The following THOC1 variants were observed in gnomAD, a reference collection of about 807,000 sequenced individuals.
THOC1 encodes the protein THO complex subunit 1.
In THOC1, 29 loss-of-function variants were observed where a neutral mutation model predicts 97.3. The ratio of observed to expected loss-of-function variants is 0.30; its 90% confidence interval spans 0.22 to 0.41. The LOEUF (loss-of-function observed/expected upper bound fraction) is 0.41, where lower values mean the gene tolerates loss of function less well. Ranked by LOEUF, THOC1 falls within the 10% of genes least tolerant of loss-of-function variation. THOC1 has a pLI of 1.00. For synonymous variants in THOC1, 255 were observed against 257.0 expected (o/e 0.99, Z 0.07); for missense variants, 529 against 761.9 (o/e 0.69, Z 3.60).
intron 11 of THOC1, among the ~76,000 whole-genome samples, chr18:238,066 T>C (rs1212083538): frequency 6.6e-6 from 1 of 152,122 alleles, no homozygotes; most frequent in African/African-American, 2.4e-5. Context: ...GGTTTCACCA[T>C]GTTGGCCAGG....
rs142457276 is a variant in THOC1 at position 262,187 on chromosome 18, C to T, written c.256+1839G>A. ...AACTCTGATATCCTGAAGCAGGCTA[C>T]TTCATCTATGCTTTTGAAGCACACT... On this transcript the variant is annotated intron_variant, in intron 4 of 20. Coordinates refer to ENST00000261600, the MANE Select transcript of THOC1 (RefSeq NM_005131.3). 4.4e-4 allele frequency among the ~76,000 whole-genome samples: 67 copies of T among 152,332 alleles called. 1 individual carries two copies. The East Asian group carries it at 0.011, about 25-fold the overall frequency.
At chr18:225,632 CAATT>C (rs1309712782) in intron 12 of THOC1, 14 of 503,410 alleles carry the variant, frequency 2.8e-5, no homozygotes, top group East Asian at 2.3e-4. Flanking sequence ...ATAAAACATT[CAATT>C]AATCAATCAG....
chr18:230,016 T>C (rs1260669752), intron 11 of THOC1, among the ~76,000 whole-genome samples: 1 of 152,222 alleles, frequency 6.6e-6, no homozygotes, highest in Non-Finnish European at 1.5e-5. Context: ...CTAGATCTTG[T>C]TCCTAGTCTC....
chr18:254,199 A>G lies in THOC1; in HGVS notation c.603+74T>C. 9.6e-7 allele frequency: 1 copy of G among 1,043,818 alleles called. No homozygotes were observed. Among genetic ancestry groups the G allele is most frequent in the South Asian group, 1.4e-5 (1 of 73,816 alleles). 64.7% of individuals were successfully genotyped at this position (1,043,818 alleles called of 1,614,324 possible). ...AGTGCTAGGATTACAAGTGTGAGCC[A>G]CTGTGCCTGGACCCACTATCTTAAT... On this transcript the variant is annotated intron_variant, in intron 8 of 20. Transcript: ENST00000261600. The surrounding 1 kb of genome is among the most constrained non-coding windows in gnomAD (Gnocchi z 4.1).
chr18:248,424 A>G (rs978143053), intron 9 of THOC1, among the ~76,000 whole-genome samples: 1 of 152,170 alleles, frequency 6.6e-6, no homozygotes, highest in Non-Finnish European at 1.5e-5. Context: ...AAGGTAGAAG[A>G]AGCCTGGGTC....
chr18:259,077 A>G (rs1912523667), intron 7 of THOC1, 103 bp downstream of exon 7: 1 of 842,698 alleles, frequency 1.2e-6, no homozygotes, highest in African/African-American at 1.7e-5. Context: ...GATGTCTTTC[A>G]ACTTTTTAGA....
At chr18:244,988 AT>A (rs1201308908) in intron 11 of THOC1, 1 of 152,018 alleles carries the variant, frequency 6.6e-6, no homozygotes, top group East Asian at 1.9e-4. Context: ...GGTTTCAATT[AT>A]TGTATTTTTC....
At position 252,595 on chromosome 18, in the gene THOC1, TTCTC is replaced by T. The variant is rs769431755; in HGVS notation, c.617_620del (p.Arg206LysfsTer6). On this transcript the variant is annotated frameshift_variant, in exon 9 of 21. Transcript: ENST00000261600. LOFTEE classifies it high-confidence loss of function. ...CGCCTTCTTCTACATCCATTCCTTC[TTCTC>T]TATCTTCAGTGTGCTAAATTGAAAA... The T allele has an allele frequency of 1.2e-6, 2 of 1,607,674 alleles. No homozygotes were observed. Among genetic ancestry groups the T allele is most frequent in the African/African-American group, 1.3e-5 (1 of 74,510 alleles).
chr18:264,150 T>C (rs1293300544), intron 3 of THOC1, 58 bp from the exon 4 acceptor site: 1 of 1,182,396 alleles, frequency 8.5e-7, no homozygotes, highest in East Asian at 2.4e-5. Context: ...TAAACTCGAT[T>C]AACAGTAAAA....
At chr18:216,437 A>G in intron 19 of THOC1, 49 bp downstream of exon 19, 1 of 1,574,206 alleles carries the variant, frequency 6.4e-7, no homozygotes, top group Non-Finnish European at 8.6e-7. Flanking sequence ...CAGCAATTTT[A>G]AAGAAGATGT....
intron 15 of THOC1, 71 bp from the exon 16 acceptor site, chr18:224,250 T>C: frequency 2.5e-6 from 3 of 1,179,224 alleles, no homozygotes; most frequent in Non-Finnish European, 3.7e-6. Context: ...ATGTTTAACG[T>C]AAAAGAAAAT....
rs370314617 is a variant in THOC1 at position 250,716 on chromosome 18, C to A, written c.677+1823G>T. Among the ~76,000 whole-genome samples the A allele has an allele frequency of 2.6e-5, 4 of 152,282 alleles. No homozygotes were observed. In the East Asian group the frequency reaches 7.7e-4, roughly 29 times the overall value. ...ACAGCTGTCACAAAGTAATTCCTCA[C>A]GTATTTTCTCCCTCTATTCAACATT... On this transcript the variant is annotated intron_variant, in intron 9 of 20. Transcript: ENST00000261600.
At chr18:252,891 G>A (rs371754738) in intron 8 of THOC1, among the ~76,000 whole-genome samples, 6 of 152,130 alleles carry the variant, frequency 3.9e-5, no homozygotes, top group African/African-American at 1.2e-4. Flanking sequence ...GATTCCCTCT[G>A]GGAATAAAGG....
chr18:219,003 A>T, intron 17 of THOC1, 34 bp from the exon 18 acceptor site: 1 of 1,284,880 alleles, frequency 7.8e-7, no homozygotes, highest in African/African-American at 1.6e-5. Context: ...TGAGGATGGC[A>T]TATATTCTTA....
At chr18:267,925 T>A in intron 1 of THOC1, 41 bp downstream of exon 1, 5 of 1,575,650 alleles carry the variant, frequency 3.2e-6, no homozygotes, top group Middle Eastern at 3.3e-4. Context: ...GGACAAAGCA[T>A]AGCGCCGGGT....
At chr18:219,438 A>G (rs1417639552) in intron 17 of THOC1, among the ~76,000 whole-genome samples, 1 of 115,628 alleles carries the variant, frequency 8.6e-6, no homozygotes, top group East Asian at 2.6e-4. Context: ...GATTGTGGGC[A>G]TGTGTTCCCT....
intron 9 of THOC1, among the ~76,000 whole-genome samples, chr18:248,207 A>G (rs942511143): frequency 1.3e-5 from 2 of 152,258 alleles, no homozygotes; most frequent in Admixed American, 6.5e-5. Flanking sequence ...TCAGAATTAA[A>G]GATTATGTTT....
In THOC1 at chr18:259,675, T is replaced by C; in HGVS notation, c.424+7A>G. The C allele has an allele frequency of 6.5e-7, 1 of 1,539,870 alleles. No individual in the cohort carries two copies. The highest frequency in any genetic ancestry group is 8.8e-7 in the Non-Finnish European group (1 of 1,140,952). Reference sequence around the variant, plus strand: ...AAAAGCAATCATTTTATCACTCAATTACTTACCATTGCACATACGTAGTAA... The same window carrying C: ...AAAAGCAATCATTTTATCACTCAATCACTTACCATTGCACATACGTAGTAA... On this transcript the variant is annotated splice_region_variant and intron_variant, in intron 6 of 20. Transcript: ENST00000261600.
chr18:223,880 T>A (rs1258567375), intron 16 of THOC1, among the ~76,000 whole-genome samples: 1 of 152,098 alleles, frequency 6.6e-6, no homozygotes, highest in Non-Finnish European at 1.5e-5. Flanking sequence ...GAGACACAGA[T>A]TTTGGAAGCT....
Sources: gnomAD v4.1 joint callset for allele counts (sites outside exome capture counted in the v4.1 genomes callset) on GRCh38, gnomAD v4.1.1 for gene constraint, Gnocchi (gnomAD v3.1) non-coding constraint, MANE v1.5 for transcripts, NCBI Gene and HGNC (gene_info 2026-07-23, HGNC 2026-07-21) for gene names.